The following FYN variants were observed in gnomAD, a reference collection of about 807,000 sequenced individuals.
FYN encodes the protein tyrosine-protein kinase Fyn.
A neutral mutation model predicts 70.2 loss-of-function variants in FYN; 10 were observed. That is an observed-to-expected ratio of 0.14 (90% CI 0.09 to 0.24). The LOEUF is 0.24. Ranked by LOEUF, FYN falls within the 10% of genes least tolerant of loss-of-function variation. The pLI is 1.00. For synonymous variants in FYN, 236 were observed against 248.6 expected, an observed-to-expected ratio of 0.95 and a Z score of 0.48; for missense variants, 319 against 673.1, an observed-to-expected ratio of 0.47 and a Z score of 5.82.
chr6:111,795,310 A>C (rs1010246516), intron 2 of FYN, among the ~76,000 whole-genome samples: 1 of 152,224 alleles, frequency 6.6e-6, no homozygotes, highest in African/African-American at 2.4e-5. Flanking sequence ...CACACAAAGG[A>C]AAGGCCATGT....
At chr6:111,789,474 T>C (rs909697088) in intron 2 of FYN, among the ~76,000 whole-genome samples, 2 of 152,186 alleles carry the variant, frequency 1.3e-5, no homozygotes, top group African/African-American at 2.4e-5. Context: ...TTATTATTAC[T>C]ATATTTCAAC....
At chr6:111,831,974 C>T (rs756120966) in intron 2 of FYN, among the ~76,000 whole-genome samples, 4 of 152,106 alleles carry the variant, frequency 2.6e-5, no homozygotes, top group Non-Finnish European at 5.9e-5. Context: ...TTGAATCTGG[C>T]CCCCATCCGT....
At chr6:111,832,704 T>G (rs1262991667) in intron 2 of FYN, among the ~76,000 whole-genome samples, 2 of 152,152 alleles carry the variant, frequency 1.3e-5, no homozygotes, top group Non-Finnish European at 2.9e-5. Flanking sequence ...CCATTTTTTT[T>G]GGCCAAAAAC....
chr6:111,772,696 GC>G (rs1803496629), intron 3 of FYN, among the ~76,000 whole-genome samples: 1 of 152,216 alleles, frequency 6.6e-6, no homozygotes, highest in Non-Finnish European at 1.5e-5. Context: ...GCTAAACAAT[GC>G]TGTGAAGAAG....
At chr6:111,815,623 G>A (rs1291427262) in intron 2 of FYN, among the ~76,000 whole-genome samples, 2 of 151,152 alleles carry the variant, frequency 1.3e-5, no homozygotes, top group East Asian at 1.9e-4. Flanking sequence ...AAAAATACTA[G>A]AATAAAATAT....
intron 2 of FYN, among the ~76,000 whole-genome samples, chr6:111,836,417 C>G: frequency 6.6e-6 from 1 of 152,018 alleles, no homozygotes; most frequent in Non-Finnish European, 1.5e-5. Context: ...GGGCTTTAGC[C>G]CCCAAAAGAA....
intron 2 of FYN, among the ~76,000 whole-genome samples, chr6:111,808,043 G>A (rs1772206578): frequency 6.6e-6 from 1 of 152,170 alleles, no homozygotes; most frequent in South Asian, 2.1e-4. Flanking sequence ...GGAAGGCGGA[G>A]GTTGCAGTGC....
At chr6:111,833,728 T>C (rs1364852605) in intron 2 of FYN, among the ~76,000 whole-genome samples, 1 of 152,238 alleles carries the variant, frequency 6.6e-6, no homozygotes, top group African/African-American at 2.4e-5. Flanking sequence ...TGTTTTTTCG[T>C]GCGAATGTCA....
At chr6:111,704,812 T>C (rs975628505) in intron 6 of FYN, among the ~76,000 whole-genome samples, 8 of 147,874 alleles carry the variant, frequency 5.4e-5, no homozygotes, top group East Asian at 2.0e-4. Context: ...CCTGTAATCC[T>C]AGCACTTTGG....
chr6:111,704,092 C>T lies in FYN; in HGVS notation c.454G>A (p.Gly152Arg). 6.2e-7 allele frequency: 1 copy of T among 1,613,718 alleles called. No individual in the cohort carries two copies. Among genetic ancestry groups the T allele is most frequent in the Non-Finnish European group, 8.5e-7 (1 of 1,179,680 alleles). ...TCAGCATCTTTTCGGCCAAGTTTTC[C>T]AAAGTACCACCTTTAAATTAGATCA... is the stretch of plus-strand genomic sequence containing the variant. ...DSIQAEEWYFGKLGRKDAERQ... is the reference protein window; with the variant it reads ...DSIQAEEWYFRKLGRKDAERQ... The change falls in exon 7 of 14, where the codon GGA becomes AGA. Residue 152 changes from glycine to arginine, a missense_variant. By Grantham distance (125) the Gly-to-Arg change is moderately radical. Coordinates refer to ENST00000354650, the MANE Select transcript of FYN (RefSeq NM_002037.5).
chr6:111,801,922 A>G (rs555647337), intron 2 of FYN, among the ~76,000 whole-genome samples: 2 of 152,376 alleles, frequency 1.3e-5, no homozygotes, highest in East Asian at 3.9e-4. Flanking sequence ...AACAAGGTGC[A>G]AGACACTGGA....
At chr6:111,796,080 C>T (rs9374292) in intron 2 of FYN, among the ~76,000 whole-genome samples, 5,383 of 152,228 alleles carry the variant, frequency 0.035, 141 homozygotes, top group East Asian at 0.14. Context: ...GTTGAAGAAT[C>T]TGAATGTAGA....
At chr6:111,702,732 C>T (rs532768812) in intron 8 of FYN, 153 bp downstream of exon 8, 2 of 607,380 alleles carry the variant, frequency 3.3e-6, no homozygotes, top group East Asian at 3.0e-5. Flanking sequence ...AGAACCTATA[C>T]AGCCAAGCCC....
chr6:111,674,357 G>C, intron 13 of FYN, 142 bp downstream of exon 13: 1 of 885,770 alleles, frequency 1.1e-6, no homozygotes, highest in African/African-American at 1.7e-5. Context: ...TTCTCTCGCT[G>C]AATACCTGGC....
chr6:111,717,493 C>A (rs1800708472), intron 4 of FYN, among the ~76,000 whole-genome samples: 1 of 151,782 alleles, frequency 6.6e-6, no homozygotes, highest in Non-Finnish European at 1.5e-5. Flanking sequence ...TGGAGATTCA[C>A]TCTTGTTGCC....
At chr6:111,709,693 T>C (rs706877) in intron 5 of FYN, among the ~76,000 whole-genome samples, 3,120 of 152,342 alleles carry the variant, frequency 0.02, 120 homozygotes, top group African/African-American at 0.07. Flanking sequence ...AGTTCATGTC[T>C]AGATCTTTGT....
At chr6:111,718,109 C>A (rs138978138) in intron 4 of FYN, among the ~76,000 whole-genome samples, 1 of 152,300 alleles carries the variant, frequency 6.6e-6, no homozygotes, top group African/African-American at 2.4e-5. Flanking sequence ...GCCAAGCCAG[C>A]CCCACTGTGT....
At position 111,707,977 on chromosome 6, in the gene FYN, T is replaced by A; in HGVS notation, c.388A>T (p.Thr130Ser). 1 of 1,614,098 alleles carries A rather than the reference T, an allele frequency of 6.2e-7. No homozygotes were observed. The highest frequency in any genetic ancestry group is 8.5e-7 in the Non-Finnish European group (1 of 1,179,954). ...ACATAATTGCTGGGAATGTAACCTG[T>A]CTCTCCAGTTGTCAAGGAGCGGGCT... The part of the protein sequence containing the change: ...WEARSLTTGE[T>S]GYIPSNYVAP... The change falls in exon 6 of 14, where the codon ACA becomes TCA. Residue 130 changes from threonine to serine, a missense_variant. By Grantham distance (58) the Thr-to-Ser change is moderately conservative. Transcript: ENST00000354650.
chr6:111,744,961 T>C (rs1409406195), intron 3 of FYN, among the ~76,000 whole-genome samples: 1 of 152,140 alleles, frequency 6.6e-6, no homozygotes, highest in African/African-American at 2.4e-5. Flanking sequence ...TCCTTATTGC[T>C]TGGAAAAATA....
Sources: allele counts gnomAD v4.1 joint callset (sites outside exome capture counted in the v4.1 genomes callset), GRCh38; gene constraint gnomAD v4.1.1; transcripts MANE v1.5; gene names NCBI Gene and HGNC (gene_info 2026-07-23, HGNC 2026-07-21).